The following RNF185 variants were observed in gnomAD, a reference collection of about 807,000 sequenced individuals.
RNF185 encodes the protein ring finger protein 185.
Under a neutral mutation model 24.9 loss-of-function variants are expected in RNF185, and 13 were observed. The observed-to-expected ratio is 0.52, with a 90% confidence interval of 0.34 to 0.83. The LOEUF (loss-of-function observed/expected upper bound fraction) is 0.83. RNF185 is among the 40% of genes least tolerant of loss of function. The pLI, the probability that RNF185 is intolerant of heterozygous loss-of-function variation, is 0.01. For missense variants in RNF185, 184 were observed against 244.7 expected (o/e 0.75, Z 1.65); for synonymous variants, 79 against 90.3 (o/e 0.88, Z 0.71).
intron 1 of RNF185, among the ~76,000 whole-genome samples, chr22:31,175,015 G>C (rs2047967336): frequency 6.6e-6 from 1 of 151,884 alleles, no homozygotes; most frequent in African/African-American, 2.4e-5. Context: ...AGAGGTTGCG[G>C]TGAGCCGAGA....
intron 1 of RNF185, among the ~76,000 whole-genome samples, chr22:31,182,390 C>T (rs1235906599): frequency 6.6e-6 from 1 of 152,036 alleles, no homozygotes; most frequent in Non-Finnish European, 1.5e-5. Context: ...CAAGCTTAAG[C>T]GATTCTCCTG....
At chr22:31,180,518 A>G (rs1199837120) in intron 1 of RNF185, among the ~76,000 whole-genome samples, 1 of 138,540 alleles carries the variant, frequency 7.2e-6, no homozygotes, top group East Asian at 2.1e-4. Flanking sequence ...CCACATTGTT[A>G]AAGACTTTTT....
intron 1 of RNF185, among the ~76,000 whole-genome samples, chr22:31,165,458 T>C (rs182482210): frequency 1.3e-5 from 2 of 152,340 alleles, no homozygotes; most frequent in Admixed American, 1.3e-4. Context: ...TTATTTGTTA[T>C]CGTGTACAAT....
At chr22:31,164,917 T>C (rs1308323042) in intron 1 of RNF185, among the ~76,000 whole-genome samples, 1 of 151,016 alleles carries the variant, frequency 6.6e-6, no homozygotes, top group African/African-American at 2.4e-5. Context: ...TTTTTTTAAT[T>C]GTTTGTTTTT....
At chr22:31,172,166 A>G (rs924126654) in intron 1 of RNF185, among the ~76,000 whole-genome samples, 1 of 152,068 alleles carries the variant, frequency 6.6e-6, no homozygotes, top group Non-Finnish European at 1.5e-5. Flanking sequence ...ATATGAATTA[A>G]TGAGATTTCA....
chr22:31,165,703 T>C (rs1254805575), intron 1 of RNF185, among the ~76,000 whole-genome samples: 2 of 152,162 alleles, frequency 1.3e-5, no homozygotes, highest in African/African-American at 4.8e-5. Context: ...AAAGGAAGGG[T>C]ACTATTTGCG....
At chr22:31,162,151 C>T (rs866764078) in intron 1 of RNF185, among the ~76,000 whole-genome samples, 3 of 152,158 alleles carry the variant, frequency 2.0e-5, no homozygotes, top group Admixed American at 6.6e-5. Flanking sequence ...TCTTAGGGAG[C>T]AGAGGCTCCA....
At chr22:31,192,652 T>G (rs1314609686) in intron 2 of RNF185, 32 bp from the exon 3 acceptor site, 1 of 1,609,408 alleles carries the variant, frequency 6.2e-7, no homozygotes, top group East Asian at 2.2e-5. Flanking sequence ...CTCCTTCTCC[T>G]TGATGACTGG....
intron 1 of RNF185, among the ~76,000 whole-genome samples, chr22:31,169,976 A>G (rs937127840): frequency 1.6e-4 from 24 of 152,140 alleles, no homozygotes; most frequent in Non-Finnish European, 3.5e-4. Flanking sequence ...AGGACATGCA[A>G]AGATTAGAAG....
chr22:31,185,625 G>T (rs1334642408), intron 1 of RNF185, among the ~76,000 whole-genome samples: 2 of 152,204 alleles, frequency 1.3e-5, no homozygotes, highest in Non-Finnish European at 2.9e-5. Flanking sequence ...TAGCAAGCTA[G>T]AGGCTGAGTC....
intron 3 of RNF185, among the ~76,000 whole-genome samples, chr22:31,194,159 A>G (rs2048181649): frequency 6.6e-6 from 1 of 151,924 alleles, no homozygotes; most frequent in African/African-American, 2.4e-5. Context: ...CAGCTTCCCA[A>G]AGTGCTGGGA....
At chr22:31,204,199 C>T (rs1234699367) in intron 6 of RNF185, among the ~76,000 whole-genome samples, 1 of 151,580 alleles carries the variant, frequency 6.6e-6, no homozygotes, top group Non-Finnish European at 1.5e-5. Flanking sequence ...AAAAATTAGC[C>T]AGGCTTGGTG....
rs145617199 is a variant in RNF185, at chr22:31,164,076, G to A, written c.-49+3773G>A. Among the ~76,000 whole-genome samples, 169 of 152,012 alleles carry A rather than the reference G, an allele frequency of 1.1e-3. 2 individuals carry two copies. In the East Asian group the frequency reaches 0.029, roughly 26 times the overall value. On this transcript the variant is annotated intron_variant, in intron 1 of 6. Transcript: ENST00000326132. ...AGCTCACTGCAACCTGTGCCTCCCA[G>A]GTTCAAGCGATTCTCCTGCCCCAGC...
chr22:31,178,027 T>C (rs2047999824), intron 1 of RNF185, among the ~76,000 whole-genome samples: 1 of 152,172 alleles, frequency 6.6e-6, no homozygotes, highest in Admixed American at 6.5e-5. Flanking sequence ...GAAGGTAATA[T>C]ATTGAAGATA....
intron 6 of RNF185, 138 bp from the exon 7 acceptor site, chr22:31,204,351 A>G: frequency 1.6e-6 from 1 of 638,438 alleles, no homozygotes; most frequent in South Asian, 1.8e-5. Context: ...TCAAAAAAAA[A>G]AAAAAGAAAT....
At chr22:31,183,136 C>G (rs1342161043) in intron 1 of RNF185, 3 of 151,926 alleles carry the variant, frequency 2.0e-5, no homozygotes, top group Non-Finnish European at 4.4e-5. Context: ...GTTGGCCAGG[C>G]TTGTCTTGAA....
At chr22:31,189,081 G>A (rs997851259) in intron 2 of RNF185, among the ~76,000 whole-genome samples, 13 of 149,256 alleles carry the variant, frequency 8.7e-5, no homozygotes, top group African/African-American at 2.5e-4. Flanking sequence ...AGCTGAGATC[G>A]CGCCACTGCA....
At chr22:31,203,193 G>A (rs530582038) in intron 6 of RNF185, among the ~76,000 whole-genome samples, 8 of 151,176 alleles carry the variant, frequency 5.3e-5, no homozygotes, top group African/African-American at 1.9e-4. Context: ...GTCATGCTTG[G>A]TACAATTTGC....
chr22:31,183,936 T>TC (rs60763616), intron 1 of RNF185, among the ~76,000 whole-genome samples: 150,418 of 150,478 alleles, frequency 1, 75,182 homozygotes, highest in Middle Eastern at 1. Context: ...GCAGAGGGGC[T>TC]CCCACCTCCC....
Sources: gnomAD v4.1 joint callset for allele counts (sites outside exome capture counted in the v4.1 genomes callset) on GRCh38, gnomAD v4.1.1 for gene constraint, MANE v1.5 for transcripts, NCBI Gene and HGNC (gene_info 2026-07-23, HGNC 2026-07-21) for gene names.